EIF3M: variants seen among roughly 807,000 people sequenced by gnomAD.
EIF3M encodes eukaryotic translation initiation factor 3 subunit M, also known as B5 receptor.
In EIF3M, 25 loss-of-function variants were observed where a neutral mutation model predicts 49.7. The ratio of observed to expected loss-of-function variants is 0.50; its 90% confidence interval spans 0.37 to 0.70. EIF3M has a LOEUF of 0.70. EIF3M is among the 30% of genes least tolerant of loss of function. The pLI, the probability that EIF3M is intolerant of heterozygous loss-of-function variation, is 0.00. For missense variants in EIF3M, 350 were observed against 440.0 expected, an observed-to-expected ratio of 0.80 and a Z score of 1.83; for synonymous variants, 156 against 149.8, an observed-to-expected ratio of 1.04 and a Z score of -0.30.
Position 32,583,831 on chromosome 11 carries a change from C to T in EIF3M, c.-57C>T, listed in dbSNP as rs554968341. ...CAGCAGCGTCGCGCGGCCCAGTTCC[C>T]TTTTCCGGTCGGCGTGGTCTTGCGA... On this transcript the variant is annotated 5_prime_UTR_variant, in exon 1 of 11. Coordinates refer to ENST00000531120, the MANE Select transcript of EIF3M (RefSeq NM_006360.6). 9.2e-5 allele frequency: 147 copies of T among 1,593,174 alleles called. 1 individual carries two copies. The East Asian group carries it at 2.8e-3, about 30-fold the overall frequency.
At chr11:32,588,457 T>C (rs1361642676) in intron 2 of EIF3M, 137 bp from the exon 3 acceptor site, 4 of 801,416 alleles carry the variant, frequency 5.0e-6, no homozygotes, top group Admixed American at 3.4e-5. Context: ...TAATAAAATA[T>C]ACAAGTTGCT....
chr11:32,593,763 C>A, intron 5 of EIF3M, 103 bp from the exon 6 acceptor site: 2 of 685,712 alleles, frequency 2.9e-6, no homozygotes, highest in Non-Finnish European at 4.3e-6. Flanking sequence ...CTCTCTTAGT[C>A]ACCGTTATAA....
In EIF3M at chr11:32,596,015, A is replaced by G. The variant is rs140407912; in HGVS notation, c.767A>G (p.Tyr256Cys). The G allele has an allele frequency of 2.6e-6, 4 of 1,560,730 alleles. No individual in the cohort carries two copies. In the African/African-American group the frequency reaches 4.2e-5, roughly 16 times the overall value. Reference protein sequence around the residue: ...SAKLASYVKFYQNNKDFIDSL... With the variant: ...SAKLASYVKFCQNNKDFIDSL... ...AAATTGGCATCATATGTCAAGTTTT[A>G]TCAGAATAATAAAGACTTCATTGAT... is the stretch of plus-strand genomic sequence containing the variant. Residue 256 changes from tyrosine to cysteine, a missense_variant, in exon 8 of 11, where the codon TAT (tyrosine) becomes TGT (cysteine). Tyr to Cys is a radical substitution (Grantham distance 194). Coordinates refer to ENST00000531120, the MANE Select transcript of EIF3M (RefSeq NM_006360.6).
chr11:32,584,016 G>T, intron 1 of EIF3M, 87 bp downstream of exon 1: 2 of 1,552,960 alleles, frequency 1.3e-6, no homozygotes, highest in East Asian at 4.7e-5. Flanking sequence ...GGGCCGGGCG[G>T]CCGGGGCTGA....
In EIF3M at chr11:32,604,344, C is replaced by G. The variant is rs555768704; in HGVS notation, c.*1945C>G. On this transcript the variant is annotated 3_prime_UTR_variant, in exon 11 of 11. Transcript: ENST00000531120. ...GCTGGTCTCTCTTAACTCTTGGGCTCAAGTGATCTGACCATCTCGGTCTCC... is the reference window on the plus strand; with the variant it reads ...GCTGGTCTCTCTTAACTCTTGGGCTGAAGTGATCTGACCATCTCGGTCTCC... 2.0e-5 allele frequency: 3 copies of G among 152,272 alleles called. No homozygotes were observed. In the South Asian group the frequency reaches 6.2e-4, roughly 32 times the overall value. The allele number at this position is 152,272 out of a possible 1,614,324, so 9.4% of individuals were successfully genotyped here.
intron 8 of EIF3M, 146 bp downstream of exon 8, chr11:32,596,193 A>G: frequency 1.8e-6 from 1 of 548,296 alleles, no homozygotes; most frequent in Non-Finnish European, 3.1e-6. Context: ...CAGCACAAAA[A>G]TAGGTAGACA....
chr11:32,598,077 C>G (rs1855206907), intron 8 of EIF3M, among the ~76,000 whole-genome samples: 2 of 152,116 alleles, frequency 1.3e-5, no homozygotes, highest in Non-Finnish European at 2.9e-5. Context: ...CACATTCTGT[C>G]CCAGTTAATT....
chr11:32,588,225 C>T (rs1453498110), intron 2 of EIF3M, among the ~76,000 whole-genome samples: 1 of 151,932 alleles, frequency 6.6e-6, no homozygotes, highest in Admixed American at 6.6e-5. Context: ...CCCGTCTCTA[C>T]TAAAAATACA....
chr11:32,601,703 T>G (rs988849454), intron 9 of EIF3M, 59 bp from the exon 10 acceptor site: 1 of 1,502,866 alleles, frequency 6.7e-7, no homozygotes. Context: ...TTTTCATACC[T>G]TAGCTATTTT....
intron 10 of EIF3M, chr11:32,602,063 T>C: frequency 2.2e-6 from 2 of 905,246 alleles, no homozygotes; most frequent in Non-Finnish European, 3.4e-6. Flanking sequence ...ATGACTTTTA[T>C]GTCTGCTTTA....
intron 1 of EIF3M, chr11:32,584,173 C>A (rs537540002): frequency 1.0e-5 from 6 of 577,352 alleles, no homozygotes; most frequent in Non-Finnish European, 1.5e-5. Context: ...CGTCGGGACT[C>A]ATTTCTGACG....
intron 7 of EIF3M, among the ~76,000 whole-genome samples, chr11:32,595,542 T>C (rs1461641135): frequency 6.6e-6 from 1 of 152,198 alleles, no homozygotes; most frequent in African/African-American, 2.4e-5. Flanking sequence ...GCTACCTCCC[T>C]TTCTTTCATC....
chr11:32,602,833 T>C lies in EIF3M; in HGVS notation c.*434T>C, dbSNP rs1340186392. 5 of 1,599,856 alleles carry C rather than the reference T, an allele frequency of 3.1e-6. No individual in the cohort carries two copies. Among genetic ancestry groups the C allele is most frequent in the Admixed American group, 3.5e-5 (2 of 57,300 alleles). ...ACATTATTTTAATCTGTTGTTTTTT[T>C]CCAACGTCTCTTCTGCTTTTCTTTT... On this transcript the variant is annotated 3_prime_UTR_variant, in exon 11 of 11. Transcript: ENST00000531120.
chr11:32,599,506 A>C (rs1281019598), intron 8 of EIF3M, among the ~76,000 whole-genome samples: 5 of 152,024 alleles, frequency 3.3e-5, no homozygotes, highest in African/African-American at 9.6e-5. Flanking sequence ...TATAAATTTA[A>C]AATTTATTTA....
intron 5 of EIF3M, among the ~76,000 whole-genome samples, chr11:32,590,291 C>T (rs1409311699): frequency 2.0e-5 from 3 of 152,204 alleles, no homozygotes; most frequent in African/African-American, 7.2e-5. Context: ...TACATATTGT[C>T]TGTGCCTGCT....
rs756018168 is a variant in EIF3M, at chr11:32,594,894, A to AT, written c.618-15dup. The AT allele has an allele frequency of 3.1e-6, 5 of 1,591,358 alleles. No individual in the cohort carries two copies. The highest frequency in any genetic ancestry group is 4.3e-6 in the Non-Finnish European group (5 of 1,171,270). On this transcript the variant is annotated intron_variant, in intron 6 of 10. Transcript: ENST00000531120. ...CAGGATTTCAAAACCCTGAGCTTAC[A>AT]TTTTTGTTCTCTAATTAAGGTGTAT...
intron 5 of EIF3M, among the ~76,000 whole-genome samples, chr11:32,593,492 C>T (rs1855133426): frequency 6.6e-6 from 1 of 152,182 alleles, no homozygotes; most frequent in African/African-American, 2.4e-5. Context: ...CATCTTACCC[C>T]ACCTTTCATG....
intron 1 of EIF3M, 134 bp from the exon 2 acceptor site, chr11:32,586,878 G>A (rs1855008534): frequency 1.6e-6 from 2 of 1,225,316 alleles, no homozygotes; most frequent in African/African-American, 3.0e-5. Flanking sequence ...ATGAGGTGAG[G>A]GAGGGGTCTT....
intron 2 of EIF3M, 56 bp downstream of exon 2, chr11:32,587,200 G>C: frequency 6.7e-7 from 1 of 1,495,506 alleles, no homozygotes. Flanking sequence ...AATTTTTCTT[G>C]TGAATTATAG....
Sources: gnomAD v4.1 joint callset for allele counts (sites outside exome capture counted in the v4.1 genomes callset) on GRCh38, gnomAD v4.1.1 for gene constraint, MANE v1.5 for transcripts, NCBI Gene and HGNC (gene_info 2026-07-23, HGNC 2026-07-21) for gene names.